TSC2: variants seen among roughly 807,000 people sequenced by gnomAD.
TSC2 encodes the protein TSC complex subunit 2.
In TSC2, 29 loss-of-function variants were observed where a neutral mutation model predicts 202.2. The observed-to-expected ratio is 0.14, with a 90% CI of 0.11 to 0.20. The LOEUF is 0.20. Ranked by LOEUF, TSC2 falls within the 10% of genes least tolerant of loss-of-function variation. The pLI, the probability that TSC2 is intolerant of heterozygous loss-of-function variation, is 1.00. For synonymous variants in TSC2, 1,349 were observed against 1,044.0 expected (o/e 1.29, Z -5.63); for missense variants, 2,429 against 2,420.0 (o/e 1.00, Z -0.08).
intron 15 of TSC2, chr16:2,064,720 C>T (rs1286568356): frequency 2.4e-5 from 12 of 506,510 alleles, no homozygotes; most frequent in East Asian, 3.5e-5. Flanking sequence ...TTTGGCCTGC[C>T]GTCCTCCCTG....
intron 14 of TSC2, chr16:2,063,359 C>T (rs749447940): frequency 6.3e-5 from 34 of 537,396 alleles, no homozygotes; most frequent in Non-Finnish European, 9.4e-5. Context: ...GAGTTCGTTT[C>T]AGCCAGTCTT....
Position 2,081,655 on chromosome 16 carries a change from A to G in TSC2, c.3671A>G (p.Asn1224Ser), listed in dbSNP as rs1434962054. ...NPLSPFSSDI[N>S]NMPLQELSNA... is the part of the protein sequence containing the mutation. Reference sequence around the variant, plus strand: ...CTCAGCCCTTTCTCCTCGGACATCAACAACATGCCCCTGCAGGAGCTGTCT... The same window carrying G: ...CTCAGCCCTTTCTCCTCGGACATCAGCAACATGCCCCTGCAGGAGCTGTCT... The change falls in exon 31 of 42, where the codon AAC becomes AGC. Residue 1224 changes from asparagine to serine, a missense_variant. Transcript: ENST00000219476. 6.2e-7 allele frequency: 1 copy of G among 1,612,964 alleles called. No homozygotes were observed. The highest frequency in any genetic ancestry group is 8.5e-7 in the Non-Finnish European group (1 of 1,180,014).
chr16:2,059,273 C>T (rs149610777), intron 10 of TSC2, among the ~76,000 whole-genome samples: 9 of 151,558 alleles, frequency 5.9e-5, no homozygotes, highest in Non-Finnish European at 1.0e-4. Flanking sequence ...CCATCTCAGA[C>T]TCCCAAAGTG....
At chr16:2,075,679 G>A in intron 22 of TSC2, 120 bp from the exon 23 acceptor site, 1 of 1,049,510 alleles carries the variant, frequency 9.5e-7, no homozygotes. Context: ...ACGTCCGTGT[G>A]GCCGTGGCCT....
At chr16:2,054,920 T>C (rs1053966383) in intron 5 of TSC2, 2 of 328,470 alleles carry the variant, frequency 6.1e-6, no homozygotes, top group Non-Finnish European at 1.2e-5. Flanking sequence ...CTGGCTTTGC[T>C]GTTCTGTCGC....
intron 16 of TSC2, among the ~76,000 whole-genome samples, chr16:2,066,651 CT>C (rs34619573): frequency 0.085 from 8,382 of 98,316 alleles, 160 homozygotes; most frequent in Middle Eastern, 0.1. Flanking sequence ...TCTGATTTAT[CT>C]TTTTTTTTTT....
intron 6 of TSC2, chr16:2,055,927 C>T: frequency 1.9e-6 from 1 of 519,208 alleles, no homozygotes; most frequent in Non-Finnish European, 3.5e-6. Context: ...ACGTAGCTAT[C>T]TTCTGTTTAG....
intron 22 of TSC2, 136 bp downstream of exon 22, chr16:2,074,525 G>T (rs565853064): frequency 7.2e-6 from 8 of 1,116,380 alleles, no homozygotes; most frequent in Non-Finnish European, 1.0e-5. Flanking sequence ...GGGCCTGGGC[G>T]TCTCTGCCCG....
At position 2,070,499 on chromosome 16, in the gene TSC2, A is replaced by G. The variant is rs1487642536; in HGVS notation, c.1760A>G (p.Tyr587Cys). The G allele has an allele frequency of 6.2e-7, 1 of 1,613,418 alleles. No homozygotes were observed. Among genetic ancestry groups the G allele is most frequent in the Non-Finnish European group, 8.5e-7 (1 of 1,180,022 alleles). The stretch of plus-strand genomic sequence containing the variant: ...CCTGCAAGCCACGCCACGCGTGTGT[A>G]TGAGATGCTGGTCAGCCACATTCAG... ...TLPASHATRV[Y>C]EMLVSHIQLH... The change falls in exon 17 of 42, where the codon TAT becomes TGT. Residue 587 changes from tyrosine (Y) to cysteine (C), a missense_variant. Transcript: ENST00000219476.
At chr16:2,060,864 G>C in intron 11 of TSC2, 51 bp downstream of exon 11, 1 of 1,604,910 alleles carries the variant, frequency 6.2e-7, no homozygotes, top group Non-Finnish European at 8.5e-7. Flanking sequence ...AGACAGGCAG[G>C]CTCGGCCCAC....
chr16:2,079,912 C>T lies in TSC2; in HGVS notation c.3397+243C>T, dbSNP rs562295106. 2.0e-5 allele frequency among the ~76,000 whole-genome samples: 3 copies of T among 152,274 alleles called. No homozygotes were observed. Among genetic ancestry groups the T allele is most frequent in the Non-Finnish European group, 2.9e-5 (2 of 68,004 alleles). ...TGGTGTTTCCTGCGGGTTTTCAGCT[C>T]GGCTCAGTCCTGGAGCCCTTCTCTG... On this transcript the variant is annotated intron_variant, in intron 29 of 41. Coordinates refer to ENST00000219476, the MANE Select transcript of TSC2 (RefSeq NM_000548.5). This position sits in a 1 kb window ranked among gnomAD's most constrained non-coding sequence, Gnocchi z 4.6.
At chr16:2,081,923 C>G (rs929251417) in intron 31 of TSC2, 125 bp downstream of exon 31, 10 of 1,313,802 alleles carry the variant, frequency 7.6e-6, no homozygotes, top group African/African-American at 1.5e-5. Context: ...TGGCCTGCCT[C>G]AGCACCATTG....
At chr16:2,058,050 C>T (rs1385766111) in intron 9 of TSC2, among the ~76,000 whole-genome samples, 2 of 144,230 alleles carry the variant, frequency 1.4e-5, no homozygotes, top group Admixed American at 6.9e-5. Context: ...TGCATCTTTC[C>T]TTCCCTCCAT....
At chr16:2,059,379 G>A (rs1268877494) in intron 10 of TSC2, among the ~76,000 whole-genome samples, 2 of 67,348 alleles carry the variant, frequency 3.0e-5, no homozygotes, top group Non-Finnish European at 2.8e-5. Context: ...TTTTACTCTT[G>A]TTGCCCAGGG....
intron 25 of TSC2, among the ~76,000 whole-genome samples, chr16:2,077,120 G>T (rs143378421): frequency 1.3e-5 from 2 of 152,228 alleles, no homozygotes; most frequent in African/African-American, 2.4e-5. Flanking sequence ...CAGCCCCTGG[G>T]GGCCGGGGGC....
At chr16:2,071,652 G>GGGCGTCA in intron 18 of TSC2, 36 bp downstream of exon 18, 1 of 1,611,926 alleles carries the variant, frequency 6.2e-7, no homozygotes, top group Non-Finnish European at 8.5e-7. Flanking sequence ...ATGAGGCTCA[G>GGGCGTCA]GGCGTCAGAG....
chr16:2,053,565 T>C, intron 4 of TSC2, 113 bp downstream of exon 4: 1 of 1,075,412 alleles, frequency 9.3e-7, no homozygotes, highest in Non-Finnish European at 1.4e-6. Context: ...GCACAGGGTC[T>C]AGGGGCTGAT....
chr16:2,088,794 C>T lies in TSC2; in HGVS notation c.*184C>T. The T allele has an allele frequency of 2.5e-6, 2 of 805,300 alleles. No individual in the cohort carries two copies. The highest frequency in any genetic ancestry group is 5.4e-5 in the East Asian group (2 of 37,034). 49.9% of individuals were successfully genotyped at this position (805,300 alleles called of 1,614,324 possible). ...GAGGCTCTAGAAGCGGCCATGCCCA[C>T]AGAAGTGGTACACAGAAGCAGGCAC... On this transcript the variant is annotated 3_prime_UTR_variant, in exon 42 of 42. Coordinates refer to ENST00000219476, the MANE Select transcript of TSC2 (RefSeq NM_000548.5).
At chr16:2,080,042 G>A in intron 29 of TSC2, 123 bp from the exon 30 acceptor site, 1 of 1,352,690 alleles carries the variant, frequency 7.4e-7, no homozygotes, top group Non-Finnish European at 1.0e-6. Context: ...CAAGGGCAGA[G>A]CTGCCACCGT....
Sources: allele counts gnomAD v4.1 joint callset (sites outside exome capture counted in the v4.1 genomes callset), GRCh38; gene constraint gnomAD v4.1.1; non-coding constraint Gnocchi (gnomAD v3.1); transcripts MANE v1.5; gene names NCBI Gene and HGNC (gene_info 2026-07-23, HGNC 2026-07-21).